The following PTK7 variants were observed in gnomAD, a reference collection of about 807,000 sequenced individuals.
PTK7 encodes the protein inactive tyrosine-protein kinase 7.
A neutral mutation model predicts 116.6 loss-of-function variants in PTK7; 39 were observed. The ratio of observed to expected loss-of-function variants is 0.33; its 90% CI spans 0.26 to 0.44. The LOEUF (loss-of-function observed/expected upper bound fraction) is 0.44, where lower values mean the gene tolerates loss of function less well. PTK7 is among the 20% of genes least tolerant of loss of function. PTK7 has a pLI of 1.00. For missense variants in PTK7, 1,169 were observed against 1,425.6 expected (o/e 0.82, Z 2.90); for synonymous variants, 546 against 563.6 (o/e 0.97, Z 0.44).
Position 43,132,546 on chromosome 6 carries a change from C to A in PTK7, c.1087C>A (p.Leu363Met). 6.2e-7 allele frequency: 1 copy of A among 1,613,454 alleles called. No individual in the cohort carries two copies. The change falls in exon 7 of 20, where the codon CTG (leucine) becomes ATG (methionine). Residue 363 changes from leucine to methionine, a missense_variant. Coordinates refer to ENST00000230419, the MANE Select transcript of PTK7 (RefSeq NM_002821.5). ...GTGGTGGGAGCACGCGGGAGTCCGG[C>A]TGCCCACCCATGGCAGGGTCTACCA... ...SVWWEHAGVRLPTHGRVYQKG... is the reference protein window; with the variant it reads ...SVWWEHAGVRMPTHGRVYQKG...
chr6:43,110,285 T>TG (rs1768124058), intron 1 of PTK7, among the ~76,000 whole-genome samples: 2 of 152,212 alleles, frequency 1.3e-5, no homozygotes, highest in South Asian at 4.1e-4. Flanking sequence ...CCACCATGCC[T>TG]GGCCTGGAGT....
In PTK7 at chr6:43,129,256, A is replaced by G. The variant is rs780174508; in HGVS notation, c.359A>G (p.Asn120Ser). 8 of 1,613,942 alleles carry G rather than the reference A, an allele frequency of 5.0e-6. No individual in the cohort carries two copies. Among genetic ancestry groups the G allele is most frequent in the Non-Finnish European group, 5.9e-6 (7 of 1,180,040 alleles). Reference sequence around the variant, plus strand: ...GCCCGCAGTGCCAACGCCTCCTTCAACATCAAATGTGAGAGCCAGGGGGGC... The same window carrying G: ...GCCCGCAGTGCCAACGCCTCCTTCAGCATCAAATGTGAGAGCCAGGGGGGC... Reference protein sequence around the residue: ...EEARSANASFNIKWIEAGPVV... With the variant: ...EEARSANASFSIKWIEAGPVV... Residue 120 changes from asparagine to serine, a missense_variant, in exon 2 of 20, where the codon AAC (asparagine) becomes AGC (serine). This residue lies in a region of PTK7 where 487 missense variants were observed against 549.8 expected (regional missense o/e 0.89). Coordinates refer to ENST00000230419, the MANE Select transcript of PTK7 (RefSeq NM_002821.5). This position sits in a 1 kb window ranked among gnomAD's most constrained non-coding sequence, Gnocchi z 4.5.
chr6:43,159,778 T>C lies in PTK7; in HGVS notation c.2874-10T>C, dbSNP rs771141682. ...CCCCACCTCACCCCTGGGTTGCTTC[T>C]CTCCTGCAGTGAGTACTACCACTTC... On this transcript the variant is annotated splice_polypyrimidine_tract_variant and intron_variant, in intron 18 of 19. Transcript: ENST00000230419. 2 of 1,614,186 alleles carry C rather than the reference T, an allele frequency of 1.2e-6. No individual in the cohort carries two copies. Among genetic ancestry groups the C allele is most frequent in the Non-Finnish European group, 1.7e-6 (2 of 1,180,020 alleles).
rs918776600 is a variant in PTK7, at chr6:43,076,338, G to C, written c.-151G>C. 28 of 337,390 alleles carry C rather than the reference G, an allele frequency of 8.3e-5. No homozygotes were observed. Among genetic ancestry groups the C allele is most frequent in the Non-Finnish European group, 1.1e-4 (24 of 212,978 alleles). 20.9% of individuals were successfully genotyped at this position (337,390 alleles called of 1,614,324 possible). ...TACTGGGCGCGCGCGGCTCCGGCTC[G>C]GGACGCCTCGGGACGCCTCGGGGTC... On this transcript the variant is annotated 5_prime_UTR_variant, in exon 1 of 20. Coordinates refer to ENST00000230419, the MANE Select transcript of PTK7 (RefSeq NM_002821.5). This position sits in a 1 kb window ranked among gnomAD's most constrained non-coding sequence, Gnocchi z 5.7.
chr6:43,112,376 C>T (rs1359455027), intron 1 of PTK7, among the ~76,000 whole-genome samples: 3 of 151,750 alleles, frequency 2.0e-5, no homozygotes, highest in Non-Finnish European at 4.4e-5. Flanking sequence ...TCAAGTGATT[C>T]TCTTGCCTCA....
At chr6:43,113,749 T>C (rs1322078611) in intron 1 of PTK7, among the ~76,000 whole-genome samples, 1 of 152,128 alleles carries the variant, frequency 6.6e-6, no homozygotes, top group Non-Finnish European at 1.5e-5. Context: ...GCTCAGACCA[T>C]TTTAGATGTC....
intron 1 of PTK7, among the ~76,000 whole-genome samples, chr6:43,110,728 T>C (rs1768151401): frequency 6.6e-6 from 1 of 152,198 alleles, no homozygotes; most frequent in Admixed American, 6.5e-5. Flanking sequence ...ACAGTTTTTA[T>C]GAATGATTTG....
At chr6:43,149,448 T>C (rs1770944304) in intron 17 of PTK7, among the ~76,000 whole-genome samples, 1 of 152,162 alleles carries the variant, frequency 6.6e-6, no homozygotes, top group South Asian at 2.1e-4. Context: ...GGTCTAAAGA[T>C]GTGAATTTTT....
intron 1 of PTK7, among the ~76,000 whole-genome samples, chr6:43,106,574 C>T (rs1257374792): frequency 6.6e-6 from 1 of 151,630 alleles, no homozygotes; most frequent in African/African-American, 2.4e-5. Flanking sequence ...GAGATTATAG[C>T]AGGCATGAGC....
At chr6:43,101,609 A>G (rs555239822) in intron 1 of PTK7, among the ~76,000 whole-genome samples, 158 of 152,244 alleles carry the variant, frequency 1.0e-3, no homozygotes, top group African/African-American at 3.7e-3. Context: ...TTGAGGGAAA[A>G]TTTTGAAAAA....
chr6:43,096,805 A>G (rs1200716174), intron 1 of PTK7, among the ~76,000 whole-genome samples: 7 of 152,252 alleles, frequency 4.6e-5, no homozygotes, highest in Non-Finnish European at 8.8e-5. Context: ...AACCGGCTGC[A>G]CAAAGACGGA....
Position 43,144,867 on chromosome 6 carries a change from T to G in PTK7, c.2407+261T>G, listed in dbSNP as rs1193241349. ...AAATTGACTCTTTAAAAAAAAAAACTAAGTTACCATTGTTCTAGGAAAAAA... is the reference window on the plus strand; with the variant it reads ...AAATTGACTCTTTAAAAAAAAAAACGAAGTTACCATTGTTCTAGGAAAAAA... On this transcript the variant is annotated intron_variant, in intron 15 of 19. Coordinates refer to ENST00000230419, the MANE Select transcript of PTK7 (RefSeq NM_002821.5). The G allele has an allele frequency of 7.2e-6, 3 of 417,888 alleles. No individual in the cohort carries two copies. In the Admixed American group the frequency reaches 1.2e-4, roughly 17 times the overall value. The allele number at this position is 417,888 out of a possible 1,614,324, so 25.9% of individuals were successfully genotyped here.
intron 10 of PTK7, among the ~76,000 whole-genome samples, chr6:43,140,467 A>T (rs1171276853): frequency 2.6e-5 from 4 of 152,030 alleles, no homozygotes; most frequent in Non-Finnish European, 5.9e-5. Context: ...AAAAAAAAAA[A>T]AATATTGGGA....
At chr6:43,111,558 C>A (rs1026169690) in intron 1 of PTK7, among the ~76,000 whole-genome samples, 1 of 152,206 alleles carries the variant, frequency 6.6e-6, no homozygotes, top group South Asian at 2.1e-4. Flanking sequence ...TCCAAACTCA[C>A]ATAATACTTC....
chr6:43,081,498 A>G (rs192880063), intron 1 of PTK7, among the ~76,000 whole-genome samples: 120 of 152,200 alleles, frequency 7.9e-4, no homozygotes, highest in African/African-American at 2.8e-3. Context: ...TCTACCTCCC[A>G]GGTTCAAGTG....
intron 1 of PTK7, among the ~76,000 whole-genome samples, chr6:43,127,565 T>C (rs576887410): frequency 6.6e-6 from 1 of 152,374 alleles, no homozygotes; most frequent in Non-Finnish European, 1.5e-5. Flanking sequence ...AGTGGAACTC[T>C]GGAACCACAT....
At position 43,136,653 on chromosome 6, in the gene PTK7, A is replaced by T. The variant is rs538124898; in HGVS notation, c.1229-2196A>T. Among the ~76,000 whole-genome samples the T allele has an allele frequency of 3.9e-5, 6 of 152,204 alleles. No homozygotes were observed. In the South Asian group the frequency reaches 1.2e-3, roughly 32 times the overall value. ...CAAAAGTGGAAGCTGCAGTACTACC[A>T]CTGTGTTCTGTTGGACAAGGGAAGT... On this transcript the variant is annotated intron_variant, in intron 7 of 19. Transcript: ENST00000230419.
Position 43,129,441 on chromosome 6 carries a change from T to G in PTK7, c.367+177T>G. ...AAGAGGAAATTAAAAGTTATATTTT[T>G]TCCAAAATTTTTTCCTTCAAGTCTG... On this transcript the variant is annotated intron_variant, in intron 2 of 19. Coordinates refer to ENST00000230419, the MANE Select transcript of PTK7 (RefSeq NM_002821.5). The surrounding 1 kb of genome is among the most constrained non-coding windows in gnomAD (Gnocchi z 4.5). The G allele has an allele frequency of 1.0e-6, 1 of 999,226 alleles. No homozygotes were observed. Among genetic ancestry groups the G allele is most frequent in the Non-Finnish European group, 1.4e-6 (1 of 696,574 alleles). The allele number at this position is 999,226 out of a possible 1,614,324, so 61.9% of individuals were successfully genotyped here.
At chr6:43,160,118 A>T in intron 19 of PTK7, 152 bp downstream of exon 19, 1 of 819,914 alleles carries the variant, frequency 1.2e-6, no homozygotes, top group African/African-American at 1.7e-5. Context: ...ATACTGCAAT[A>T]CTTTGTTTTT....
Sources: gnomAD v4.1 joint callset for allele counts (sites outside exome capture counted in the v4.1 genomes callset) on GRCh38, gnomAD v4.1.1 for gene constraint, gnomAD v4.1.1 regional missense constraint, Gnocchi (gnomAD v3.1) non-coding constraint, MANE v1.5 for transcripts, NCBI Gene and HGNC (gene_info 2026-07-23, HGNC 2026-07-21) for gene names.